Variants in KAZN observed in about 807,000 individuals in gnomAD.
KAZN encodes the protein kazrin.
A neutral mutation model predicts 87.4 loss-of-function variants in KAZN; 40 were observed. The observed-to-expected ratio is 0.46, with a 90% confidence interval of 0.36 to 0.60. The LOEUF (loss-of-function observed/expected upper bound fraction) is 0.60. Among genes scored for constraint, KAZN ranks in the 20% least tolerant of loss-of-function variants. The pLI is 0.00. For synonymous variants in KAZN, 466 were observed against 458.3 expected (o/e 1.02, Z -0.22); for missense variants, 898 against 1,073.9 (o/e 0.84, Z 2.29).
At chr1:14,527,003 AAATT>A (rs1671903905) in intron 2 of KAZN, among the ~76,000 whole-genome samples, 1 of 152,246 alleles carries the variant, frequency 6.6e-6, no homozygotes, top group African/African-American at 2.4e-5. Flanking sequence ...GTAGTTAATT[AAATT>A]ATAAACTAAA....
At chr1:13,914,092 C>G (rs868122445) in intron 1 of KAZN, among the ~76,000 whole-genome samples, 2 of 152,134 alleles carry the variant, frequency 1.3e-5, no homozygotes, top group Non-Finnish European at 2.9e-5. Context: ...CAACTAAAGA[C>G]GCGCTGAAGG....
At chr1:14,913,408 C>T (rs1657456774) in intron 1 of KAZN, among the ~76,000 whole-genome samples, 1 of 152,192 alleles carries the variant, frequency 6.6e-6, no homozygotes, top group Non-Finnish European at 1.5e-5. Flanking sequence ...CCAGTCCTTC[C>T]TACGTATCTG....
chr1:14,640,450 G>C (rs1478263079), intron 1 of KAZN, among the ~76,000 whole-genome samples: 2 of 152,164 alleles, frequency 1.3e-5, no homozygotes, highest in Non-Finnish European at 2.9e-5. Context: ...TGGGTATTCA[G>C]GTCCCTAACT....
rs1277787925 is a variant in KAZN, at chr1:15,081,105, A to C, written c.1223-13075A>C. ...GCGTGGACGAGGCGGGGTTGGCAGA[A>C]GATGAGACCACAGAGGAAGGCCTGC... On this transcript the variant is annotated intron_variant, in intron 8 of 14. Transcript: ENST00000376030. This position sits in a 1 kb window ranked among gnomAD's most constrained non-coding sequence, Gnocchi z 4.1. Among the ~76,000 whole-genome samples, 1 of 152,228 alleles carries C rather than the reference A, an allele frequency of 6.6e-6. No homozygotes were observed. Among genetic ancestry groups the C allele is most frequent in the Non-Finnish European group, 1.5e-5 (1 of 68,044 alleles).
intron 2 of KAZN, among the ~76,000 whole-genome samples, chr1:14,386,180 A>G (rs1226888778): frequency 1.4e-5 from 2 of 144,784 alleles, no homozygotes; most frequent in Non-Finnish European, 3.0e-5. Flanking sequence ...ATCTTCCTCC[A>G]TCCTTTTATT....
chr1:14,822,538 C>G (rs1646764039), intron 1 of KAZN, among the ~76,000 whole-genome samples: 1 of 152,190 alleles, frequency 6.6e-6, no homozygotes, highest in Admixed American at 6.5e-5. Context: ...GGGGAGCCGC[C>G]CCTCTCTCAG....
intron 1 of KAZN, among the ~76,000 whole-genome samples, chr1:13,951,382 G>A (rs575424626): frequency 1.3e-5 from 2 of 152,198 alleles, no homozygotes; most frequent in Non-Finnish European, 2.9e-5. Context: ...GCTAGTCCAC[G>A]CAAAGCACTT....
At position 14,799,746 on chromosome 1, in the gene KAZN, A is replaced by C. The variant is rs531667114; in HGVS notation, c.227-160938A>C. ...TTTTACTTTTACCCAGAAACCCCTT[A>C]AGAACTTTTTTTTTGGAAAAGTAGG... On this transcript the variant is annotated intron_variant, in intron 1 of 14. Transcript: ENST00000376030. Among the ~76,000 whole-genome samples the C allele has an allele frequency of 2.5e-4, 38 of 152,274 alleles. No homozygotes were observed. The South Asian group carries it at 5.8e-3, about 23-fold the overall frequency.
At chr1:14,947,478 G>C (rs986463082) in intron 1 of KAZN, among the ~76,000 whole-genome samples, 3 of 152,232 alleles carry the variant, frequency 2.0e-5, no homozygotes, top group African/African-American at 7.2e-5. Flanking sequence ...GAAGCTCAAA[G>C]ACCCAGTTTC....
chr1:14,572,373 A>G (rs1198218153), intron 2 of KAZN, among the ~76,000 whole-genome samples: 1 of 152,190 alleles, frequency 6.6e-6, no homozygotes, highest in Non-Finnish European at 1.5e-5. Context: ...ACCCAAGGGA[A>G]GAAGAGAATG....
intron 1 of KAZN, among the ~76,000 whole-genome samples, chr1:14,886,607 C>T (rs926291876): frequency 6.6e-6 from 1 of 152,140 alleles, no homozygotes; most frequent in South Asian, 2.1e-4. Flanking sequence ...CTCTGACCAA[C>T]ATGGAGAAAC....
intron 1 of KAZN, among the ~76,000 whole-genome samples, chr1:14,710,314 G>C (rs145402474): frequency 6.6e-6 from 1 of 152,068 alleles, no homozygotes; most frequent in Non-Finnish European, 1.5e-5. Context: ...TGGTCTTCCT[G>C]CTTCTCCTCT....
At chr1:14,567,984 T>C (rs559967998) in intron 2 of KAZN, among the ~76,000 whole-genome samples, 9 of 152,340 alleles carry the variant, frequency 5.9e-5, no homozygotes, top group Admixed American at 5.9e-4. Context: ...ATGGTAGGAT[T>C]TCACATATGT....
chr1:14,125,084 G>A (rs1422054075), intron 1 of KAZN, among the ~76,000 whole-genome samples: 1 of 152,148 alleles, frequency 6.6e-6, no homozygotes, highest in Non-Finnish European at 1.5e-5. Flanking sequence ...GGGAACAGCA[G>A]GTGCCAAAAC....
At chr1:14,131,594 C>T (rs925220551) in intron 1 of KAZN, among the ~76,000 whole-genome samples, 13 of 151,904 alleles carry the variant, frequency 8.6e-5, no homozygotes, top group Admixed American at 2.6e-4. Context: ...GACTGTGAGG[C>T]GGCGCTAATG....
At chr1:14,516,069 G>T (rs11809809) in intron 2 of KAZN, among the ~76,000 whole-genome samples, 22,773 of 152,064 alleles carry the variant, frequency 0.15, 2,734 homozygotes, top group African/African-American at 0.33. Flanking sequence ...GGCCAACCAG[G>T]TTCTAGAAAC....
chr1:13,954,655 A>G (rs1394466882), intron 1 of KAZN, among the ~76,000 whole-genome samples: 1 of 152,200 alleles, frequency 6.6e-6, no homozygotes, highest in African/African-American at 2.4e-5. Context: ...TTCTCTGAGG[A>G]CAGCCATGCC....
At chr1:14,333,886 C>T (rs1174909021) in intron 2 of KAZN, among the ~76,000 whole-genome samples, 1 of 152,100 alleles carries the variant, frequency 6.6e-6, no homozygotes, top group African/African-American at 2.4e-5. Context: ...GTGGCTGCCC[C>T]TGGACACCTC....
intron 2 of KAZN, among the ~76,000 whole-genome samples, chr1:14,370,693 C>G (rs1026819724): frequency 1.3e-5 from 2 of 152,132 alleles, no homozygotes; most frequent in African/African-American, 4.8e-5. Flanking sequence ...TGTATCTTCT[C>G]TTTTTTATTT....
Sources: allele counts gnomAD v4.1 joint callset (sites outside exome capture counted in the v4.1 genomes callset), GRCh38; gene constraint gnomAD v4.1.1; non-coding constraint Gnocchi (gnomAD v3.1); transcripts MANE v1.5; gene names NCBI Gene and HGNC (gene_info 2026-07-23, HGNC 2026-07-21).